GATAD2B: variants seen among roughly 807,000 people sequenced by gnomAD.
GATAD2B encodes GATA zinc finger domain containing 2B, also known as transcriptional repressor p66-beta.
Under a neutral mutation model 64.3 loss-of-function variants are expected in GATAD2B, and 8 were observed. The ratio of observed to expected loss-of-function variants is 0.12; its 90% confidence interval spans 0.07 to 0.22. The LOEUF is 0.22. GATAD2B is among the 10% of genes least tolerant of loss of function. The pLI is 1.00. For synonymous variants in GATAD2B, 281 were observed against 271.3 expected, an observed-to-expected ratio of 1.04 and a Z score of -0.35; for missense variants, 453 against 752.0, an observed-to-expected ratio of 0.60 and a Z score of 4.65.
intron 1 of GATAD2B, among the ~76,000 whole-genome samples, chr1:153,907,085 G>T (rs1356686844): frequency 6.6e-6 from 1 of 152,176 alleles, no homozygotes; most frequent in African/African-American, 2.4e-5. Flanking sequence ...GTGGAAAACT[G>T]TAACAATTAC....
intron 1 of GATAD2B, among the ~76,000 whole-genome samples, chr1:153,830,478 A>ATTT (rs1158508480): frequency 1.2e-5 from 1 of 85,926 alleles, no homozygotes; most frequent in Non-Finnish European, 2.4e-5. Flanking sequence ...TATTTTATTT[A>ATTT]TTTATTTTTT....
intron 1 of GATAD2B, among the ~76,000 whole-genome samples, chr1:153,838,945 A>T (rs1675371091): frequency 6.6e-6 from 1 of 151,940 alleles, no homozygotes; most frequent in Non-Finnish European, 1.5e-5. Flanking sequence ...GCTTGTCTCT[A>T]CTAAAAATAC....
At chr1:153,842,662 ATG>A in intron 1 of GATAD2B, among the ~76,000 whole-genome samples, 1 of 150,298 alleles carries the variant, frequency 6.7e-6, no homozygotes, top group Non-Finnish European at 1.5e-5. Flanking sequence ...GTATGTATGT[ATG>A]TATGTATGAG....
At chr1:153,893,207 C>T (rs1240513320) in intron 1 of GATAD2B, among the ~76,000 whole-genome samples, 1 of 152,094 alleles carries the variant, frequency 6.6e-6, no homozygotes, top group African/African-American at 2.4e-5. Context: ...CACTTTTCTT[C>T]AATTCAGTGA....
At chr1:153,918,389 T>C (rs982041327) in intron 1 of GATAD2B, among the ~76,000 whole-genome samples, 6 of 152,204 alleles carry the variant, frequency 3.9e-5, no homozygotes, top group Non-Finnish European at 8.8e-5. Context: ...AGTTTGAGTT[T>C]AAATACTCTA....
At chr1:153,877,329 T>C (rs1676869472) in intron 1 of GATAD2B, among the ~76,000 whole-genome samples, 1 of 151,816 alleles carries the variant, frequency 6.6e-6, no homozygotes, top group African/African-American at 2.4e-5. Flanking sequence ...GGCAACAGAG[T>C]GAGACCCTGT....
chr1:153,812,882 T>C (rs1674342158), intron 8 of GATAD2B, among the ~76,000 whole-genome samples: 1 of 152,236 alleles, frequency 6.6e-6, no homozygotes, highest in Admixed American at 6.5e-5. Flanking sequence ...TCACTCTTTC[T>C]TTCGTCATTT....
At chr1:153,862,886 G>A (rs979993645) in intron 1 of GATAD2B, among the ~76,000 whole-genome samples, 6 of 151,566 alleles carry the variant, frequency 4.0e-5, no homozygotes, top group East Asian at 2.0e-4. Flanking sequence ...CACCATACCC[G>A]GCTAATTTTG....
intron 1 of GATAD2B, among the ~76,000 whole-genome samples, chr1:153,830,711 G>A (rs1014708710): frequency 2.6e-5 from 4 of 151,396 alleles, no homozygotes; most frequent in Non-Finnish European, 4.4e-5. Context: ...TCCTGACCTC[G>A]TGATCCGCCC....
rs569750010 is a variant in GATAD2B at position 153,808,406 on chromosome 1, C to T, written c.*1771G>A. The stretch of plus-strand genomic sequence containing the variant: ...TGAGCCTGATTTTAGCTCTTTCTCC[C>T]ACCCCACCTCCAAATTTTATGGGGA... On this transcript the variant is annotated 3_prime_UTR_variant, in exon 11 of 11. Coordinates refer to ENST00000368655, the MANE Select transcript of GATAD2B (RefSeq NM_020699.4). The T allele has an allele frequency of 2.0e-5, 3 of 152,770 alleles. No individual in the cohort carries two copies. The highest frequency in any genetic ancestry group is 6.5e-5 in the Admixed American group (1 of 15,308). The allele number at this position is 152,770 out of a possible 1,614,324, so 9.5% of individuals were successfully genotyped here.
chr1:153,851,192 A>C (rs1675886133), intron 1 of GATAD2B, among the ~76,000 whole-genome samples: 1 of 152,174 alleles, frequency 6.6e-6, no homozygotes, highest in African/African-American at 2.4e-5. Flanking sequence ...AAGTAGACTC[A>C]CATAGTTATT....
intron 1 of GATAD2B, among the ~76,000 whole-genome samples, chr1:153,832,680 A>G (rs992617923): frequency 3.3e-5 from 5 of 152,214 alleles, no homozygotes; most frequent in African/African-American, 1.2e-4. Flanking sequence ...TTTAAGGGAT[A>G]CATGTGTAGA....
At chr1:153,858,743 G>C (rs1676172075) in intron 1 of GATAD2B, among the ~76,000 whole-genome samples, 1 of 152,046 alleles carries the variant, frequency 6.6e-6, no homozygotes, top group African/African-American at 2.4e-5. Flanking sequence ...AAAAAGAAAA[G>C]AGAAACAATC....
At chr1:153,890,246 A>G (rs1677333327) in intron 1 of GATAD2B, among the ~76,000 whole-genome samples, 1 of 151,432 alleles carries the variant, frequency 6.6e-6, no homozygotes, top group Non-Finnish European at 1.5e-5. Flanking sequence ...TCCCAACACT[A>G]TGGGAGGCCG....
intron 7 of GATAD2B, 33 bp from the exon 8 acceptor site, chr1:153,813,485 C>T (rs1674359576): frequency 1.4e-6 from 2 of 1,386,924 alleles, no homozygotes; most frequent in Non-Finnish European, 1.0e-6. Flanking sequence ...AGTGGCTTTA[C>T]ATTTCCTATC....
At position 153,819,698 on chromosome 1, in the gene GATAD2B, T is replaced by C. The variant is rs1674609210; in HGVS notation, c.373A>G (p.Ile125Val). 6.2e-7 allele frequency: 1 copy of C among 1,611,508 alleles called. No homozygotes were observed. The highest frequency in any genetic ancestry group is 1.3e-5 in the African/African-American group (1 of 74,970). ...GCCTCATTGTCAGACAAAACAATGA[T>C]GTCTGGTGAGGGAGTTAGCCTTCCT... ...ERGRLTPSPD[I>V]IVLSDNEASS... is the part of the protein sequence containing the mutation. The change falls in exon 3 of 11, where the codon ATC becomes GTC. Residue 125 changes from isoleucine (I) to valine (V), a missense_variant. Transcript: ENST00000368655.
At chr1:153,911,704 C>A (rs985943372) in intron 1 of GATAD2B, among the ~76,000 whole-genome samples, 1 of 151,982 alleles carries the variant, frequency 6.6e-6, no homozygotes, top group Non-Finnish European at 1.5e-5. Context: ...CCACTGCACT[C>A]CAGCCTGGGC....
chr1:153,901,673 A>T lies in GATAD2B; in HGVS notation c.-2+21060T>A, dbSNP rs1035327937. On this transcript the variant is annotated intron_variant, in intron 1 of 10. Transcript: ENST00000368655. Reference sequence around the variant, plus strand: ...AACCCATCTCTACTAAAAATACAAAAATTAGCCAGGCATGGTGGCGTGTAC... The same window carrying T: ...AACCCATCTCTACTAAAAATACAAATATTAGCCAGGCATGGTGGCGTGTAC... 7.3e-5 allele frequency among the ~76,000 whole-genome samples: 11 copies of T among 151,620 alleles called. No individual in the cohort carries two copies. The East Asian group carries it at 7.8e-4, about 11-fold the overall frequency.
At chr1:153,873,833 T>C (rs948390566) in intron 1 of GATAD2B, among the ~76,000 whole-genome samples, 14 of 152,166 alleles carry the variant, frequency 9.2e-5, no homozygotes, top group Admixed American at 2.0e-4. Context: ...CCTGTAGTCC[T>C]AGCTACTTGA....
Sources: gnomAD v4.1 joint callset for allele counts (sites outside exome capture counted in the v4.1 genomes callset) on GRCh38, gnomAD v4.1.1 for gene constraint, MANE v1.5 for transcripts, NCBI Gene and HGNC (gene_info 2026-07-23, HGNC 2026-07-21) for gene names.